The following FAM135B variants were observed in gnomAD, a reference collection of about 807,000 sequenced individuals.
FAM135B encodes protein FAM135B.
FAM135B carries 43 observed loss-of-function variants against 127.7 expected under a neutral mutation model. That is an observed-to-expected ratio of 0.34 (90% CI 0.26 to 0.43). The LOEUF is 0.43. FAM135B is among the 20% of genes least tolerant of loss of function. The pLI is 1.00. For synonymous variants in FAM135B, 670 were observed against 665.1 expected (o/e 1.01, Z -0.11); for missense variants, 1,558 against 1,725.6 (o/e 0.90, Z 1.72).
intron 12 of FAM135B, among the ~76,000 whole-genome samples, chr8:138,156,856 C>A (rs1328034150): frequency 6.6e-6 from 1 of 152,158 alleles, no homozygotes; most frequent in Non-Finnish European, 1.5e-5. Context: ...CAGCCAAATT[C>A]CACCAGAGGT....
chr8:138,202,792 C>T (rs35493854), intron 7 of FAM135B, among the ~76,000 whole-genome samples: 111,806 of 151,350 alleles, frequency 0.74, 41,609 homozygotes, highest in East Asian at 0.82. Context: ...CCTCGGTGAA[C>T]GTGTCTATGG....
intron 6 of FAM135B, among the ~76,000 whole-genome samples, chr8:138,248,732 A>T (rs1204334413): frequency 6.7e-6 from 1 of 149,928 alleles, no homozygotes; most frequent in Non-Finnish European, 1.5e-5. Context: ...AGGCAGGAGG[A>T]TCACTTGAGC....
intron 1 of FAM135B, among the ~76,000 whole-genome samples, chr8:138,372,360 AGAG>A (rs1831188036): frequency 6.6e-6 from 1 of 152,186 alleles, no homozygotes; most frequent in Non-Finnish European, 1.5e-5. Context: ...AAACATGCCT[AGAG>A]AAGAGGATGG....
chr8:138,395,043 C>G (rs760486506), intron 1 of FAM135B, among the ~76,000 whole-genome samples: 17 of 152,188 alleles, frequency 1.1e-4, no homozygotes, highest in Non-Finnish European at 1.9e-4. Context: ...CCACTGCACT[C>G]TGTTTAACCC....
At chr8:138,139,376 A>T (rs1052811522) in intron 17 of FAM135B, among the ~76,000 whole-genome samples, 1 of 152,206 alleles carries the variant, frequency 6.6e-6, no homozygotes, top group South Asian at 2.1e-4. Context: ...CTCCTTCCGA[A>T]AAAGAAGCCT....
At chr8:138,239,484 A>T (rs1408892741) in intron 7 of FAM135B, among the ~76,000 whole-genome samples, 1 of 151,930 alleles carries the variant, frequency 6.6e-6, no homozygotes, top group Non-Finnish European at 1.5e-5. Context: ...AGATTGCAAA[A>T]TTTTTCTCCC....
At chr8:138,197,851 C>T (rs1816786050) in intron 7 of FAM135B, among the ~76,000 whole-genome samples, 182 bp from the exon 8 acceptor site, 1 of 152,140 alleles carries the variant, frequency 6.6e-6, no homozygotes, top group South Asian at 2.1e-4. Flanking sequence ...AAAGAGAGTC[C>T]TGAGCTGGAA....
chr8:138,454,572 C>T (rs1292496430), intron 1 of FAM135B, among the ~76,000 whole-genome samples: 1 of 152,150 alleles, frequency 6.6e-6, no homozygotes, highest in Non-Finnish European at 1.5e-5. Context: ...AGTGCAGAAC[C>T]AGGGCTAGTA....
At chr8:138,306,237 C>A (rs936575867) in intron 3 of FAM135B, among the ~76,000 whole-genome samples, 1 of 151,914 alleles carries the variant, frequency 6.6e-6, no homozygotes, top group Non-Finnish European at 1.5e-5. Context: ...GAGTGCAAGA[C>A]CAGCCTGGCC....
chr8:138,447,506 G>C (rs1465574974), intron 1 of FAM135B, among the ~76,000 whole-genome samples: 1 of 152,110 alleles, frequency 6.6e-6, no homozygotes, highest in African/African-American at 2.4e-5. Context: ...CCTTCGTAGG[G>C]ACATGGATGA....
At chr8:138,409,799 C>G (rs1401452235) in intron 1 of FAM135B, among the ~76,000 whole-genome samples, 1 of 145,942 alleles carries the variant, frequency 6.9e-6, no homozygotes, top group Non-Finnish European at 1.5e-5. Context: ...GGCATGAACT[C>G]AAGAGGCGGA....
At chr8:138,168,939 G>A (rs1356246718) in intron 11 of FAM135B, among the ~76,000 whole-genome samples, 1 of 152,100 alleles carries the variant, frequency 6.6e-6, no homozygotes, top group African/African-American at 2.4e-5. Context: ...GGAGCAGCTC[G>A]GCCTCTGGAA....
rs2131217548 is a variant in FAM135B at position 138,367,970 on chromosome 8, T to C, written c.14A>G (p.Gln5Arg). The stretch of plus-strand genomic sequence containing the variant: ...CTCTACCGAAAACTCAACCGTTCCT[T>C]GTATTTCAGACATGATCTTTTTGGC... MSEI[Q>R]GTVEFSVELH... The change falls in exon 2 of 20, where the codon CAA (glutamine) becomes CGA (arginine). Residue 5 changes from glutamine to arginine, a missense_variant. Coordinates refer to ENST00000395297, the MANE Select transcript of FAM135B (RefSeq NM_015912.4). The C allele has an allele frequency of 6.2e-7, 1 of 1,613,914 alleles. No individual in the cohort carries two copies. Among genetic ancestry groups the C allele is most frequent in the Non-Finnish European group, 8.5e-7 (1 of 1,179,920 alleles).
At chr8:138,339,378 TATATA>T in intron 2 of FAM135B, among the ~76,000 whole-genome samples, 1 of 149,824 alleles carries the variant, frequency 6.7e-6, no homozygotes, top group East Asian at 2.0e-4. Flanking sequence ...TATATATATA[TATATA>T]TTTTAAAATC....
intron 1 of FAM135B, among the ~76,000 whole-genome samples, chr8:138,471,601 A>C (rs1188206956): frequency 6.6e-6 from 1 of 152,148 alleles, no homozygotes; most frequent in Non-Finnish European, 1.5e-5. Flanking sequence ...GTAAGTTTGG[A>C]ACTTGTTGAG....
chr8:138,336,024 T>C (rs1446345454), intron 2 of FAM135B, among the ~76,000 whole-genome samples: 1 of 151,974 alleles, frequency 6.6e-6, no homozygotes. Context: ...CATAATGAAA[T>C]GAAGGCAGAA....
intron 2 of FAM135B, among the ~76,000 whole-genome samples, chr8:138,340,948 A>T (rs979281736): frequency 6.6e-6 from 1 of 152,146 alleles, no homozygotes; most frequent in Non-Finnish European, 1.5e-5. Flanking sequence ...TGTTCATCCC[A>T]CAAGACGGAG....
chr8:138,480,991 T>C (rs10091811), intron 1 of FAM135B, among the ~76,000 whole-genome samples: 17,124 of 152,236 alleles, frequency 0.11, 2,525 homozygotes, highest in African/African-American at 0.34. Context: ...TGAATGAACA[T>C]GTGTTTGAAC....
At chr8:138,215,124 T>C (rs16908587) in intron 7 of FAM135B, among the ~76,000 whole-genome samples, 4,424 of 152,276 alleles carry the variant, frequency 0.029, 125 homozygotes, top group East Asian at 0.15. Context: ...ATTAAATATC[T>C]AGACATGATT....
Sources: allele counts gnomAD v4.1 joint callset (sites outside exome capture counted in the v4.1 genomes callset), GRCh38; gene constraint gnomAD v4.1.1; transcripts MANE v1.5; gene names NCBI Gene and HGNC (gene_info 2026-07-23, HGNC 2026-07-21).